Variants in PDE10A observed in about 807,000 individuals in gnomAD.
PDE10A encodes cAMP and cAMP-inhibited cGMP 3',5'-cyclic phosphodiesterase 10A.
PDE10A carries 39 observed loss-of-function variants against 97.7 expected under a neutral mutation model. The ratio of observed to expected loss-of-function variants is 0.40; its 90% CI spans 0.31 to 0.52. The LOEUF is 0.52. PDE10A is among the 20% of genes least tolerant of loss of function. The pLI is 0.56. For synonymous variants in PDE10A, 371 were observed against 376.8 expected, an observed-to-expected ratio of 0.98 and a Z score of 0.18; for missense variants, 731 against 1,047.8, an observed-to-expected ratio of 0.70 and a Z score of 4.17.
At chr6:165,815,748 A>G (rs547869125) in intron 1 of PDE10A, among the ~76,000 whole-genome samples, 6 of 152,110 alleles carry the variant, frequency 3.9e-5, no homozygotes, top group Non-Finnish European at 2.9e-5. Flanking sequence ...GCACTTGGTC[A>G]TGGACTATTG....
At chr6:165,581,584 C>T (rs1253623785) in intron 1 of PDE10A, among the ~76,000 whole-genome samples, 1 of 152,192 alleles carries the variant, frequency 6.6e-6, no homozygotes, top group African/African-American at 2.4e-5. Flanking sequence ...TAAAAGTCAC[C>T]CAGTCTGTGG....
intron 1 of PDE10A, among the ~76,000 whole-genome samples, chr6:165,638,310 G>T (rs533903804): frequency 6.6e-6 from 1 of 152,128 alleles, no homozygotes; most frequent in Non-Finnish European, 1.5e-5. Flanking sequence ...AGCACAGTAA[G>T]AGTCAAAACT....
chr6:165,640,011 A>T (rs1789056063), intron 1 of PDE10A, among the ~76,000 whole-genome samples: 2 of 151,302 alleles, frequency 1.3e-5, no homozygotes, highest in South Asian at 2.1e-4. Flanking sequence ...TTGAGGCTGC[A>T]GTGAGCTGTG....
chr6:165,929,858 C>T (rs553385399), intron 1 of PDE10A, among the ~76,000 whole-genome samples: 1 of 151,986 alleles, frequency 6.6e-6, no homozygotes, highest in African/African-American at 2.4e-5. Flanking sequence ...TCACTCCAGG[C>T]GTGAGGGCAG....
At chr6:165,673,760 G>C (rs1392508528) in intron 1 of PDE10A, among the ~76,000 whole-genome samples, 1 of 152,154 alleles carries the variant, frequency 6.6e-6, no homozygotes, top group East Asian at 1.9e-4. Context: ...TCCCTGAGTT[G>C]AGCTTTTGGG....
intron 2 of PDE10A, among the ~76,000 whole-genome samples, chr6:165,527,150 G>A (rs1298899588): frequency 1.3e-5 from 2 of 152,208 alleles, no homozygotes; most frequent in African/African-American, 2.4e-5. Flanking sequence ...CCTCTAAGGT[G>A]AAGAATAAGT....
chr6:165,792,080 T>C (rs1283825999), intron 1 of PDE10A, among the ~76,000 whole-genome samples: 2 of 152,154 alleles, frequency 1.3e-5, no homozygotes, highest in Non-Finnish European at 2.9e-5. Context: ...CCCGACGTTG[T>C]GGTTCTTCAG....
intron 1 of PDE10A, among the ~76,000 whole-genome samples, chr6:165,622,197 C>T (rs747500259): frequency 1.3e-5 from 2 of 152,168 alleles, no homozygotes; most frequent in Non-Finnish European, 2.9e-5. Flanking sequence ...GACTTGCTGG[C>T]CTCCTCAACC....
At chr6:165,962,826 G>C (rs1019333451) in intron 1 of PDE10A, among the ~76,000 whole-genome samples, 1 of 152,196 alleles carries the variant, frequency 6.6e-6, no homozygotes, top group Non-Finnish European at 1.5e-5. Context: ...GGGTGAATAA[G>C]GTCCATCTGC....
chr6:165,954,326 T>C (rs1206774745), intron 1 of PDE10A, among the ~76,000 whole-genome samples: 1 of 152,240 alleles, frequency 6.6e-6, no homozygotes, highest in African/African-American at 2.4e-5. Context: ...CTGATATTGC[T>C]AAGATTAAGT....
chr6:165,687,853 C>T (rs933991060), intron 1 of PDE10A, among the ~76,000 whole-genome samples: 1 of 152,212 alleles, frequency 6.6e-6, no homozygotes, highest in Non-Finnish European at 1.5e-5. Flanking sequence ...ATTTAATCTT[C>T]AAACAGCCTG....
intron 1 of PDE10A, among the ~76,000 whole-genome samples, chr6:165,589,633 G>C (rs1007643233): frequency 2.0e-5 from 3 of 152,062 alleles, no homozygotes; most frequent in African/African-American, 7.2e-5. Context: ...CTGGCATAGA[G>C]ATTATTTTTG....
intron 1 of PDE10A, among the ~76,000 whole-genome samples, chr6:165,651,152 A>G (rs1163654854): frequency 6.6e-6 from 1 of 152,216 alleles, no homozygotes; most frequent in African/African-American, 2.4e-5. Context: ...ACTTGCCAAC[A>G]GTGTGTTATG....
At chr6:165,484,767 C>A (rs1186461715) in intron 2 of PDE10A, among the ~76,000 whole-genome samples, 1 of 152,198 alleles carries the variant, frequency 6.6e-6, no homozygotes, top group African/African-American at 2.4e-5. Flanking sequence ...CATCTGGTGG[C>A]AGCTTTAACT....
intron 1 of PDE10A, among the ~76,000 whole-genome samples, chr6:165,672,079 T>C (rs112807408): frequency 6.6e-4 from 100 of 152,346 alleles, no homozygotes; most frequent in Non-Finnish European, 1.3e-3. Context: ...CAGATCAATA[T>C]AGATACTCCC....
intron 1 of PDE10A, among the ~76,000 whole-genome samples, chr6:165,912,802 G>T (rs558415790): frequency 1.3e-4 from 20 of 152,330 alleles, no homozygotes; most frequent in Admixed American, 7.2e-4. Flanking sequence ...GAGGGTCACA[G>T]GAAGCGAACC....
Position 165,545,402 on chromosome 6 carries a change from C to T in PDE10A, c.866-1834G>A, listed in dbSNP as rs192375361. The stretch of plus-strand genomic sequence containing the variant: ...ACTCTTGGTTTTCCTTTTTGTGTTA[C>T]TATTACTCTACATTTTCCCAGAAAC... On this transcript the variant is annotated intron_variant, in intron 1 of 21. Transcript: ENST00000539869. Among the ~76,000 whole-genome samples, 231 of 152,152 alleles carry T rather than the reference C, an allele frequency of 1.5e-3. 1 individual carries two copies. Among genetic ancestry groups the T allele is most frequent in the African/African-American group, 5.1e-3 (213 of 41,550 alleles).
At chr6:165,565,092 A>C (rs1271950965) in intron 1 of PDE10A, among the ~76,000 whole-genome samples, 1 of 152,238 alleles carries the variant, frequency 6.6e-6, no homozygotes, top group Non-Finnish European at 1.5e-5. Context: ...AGAGAGCTAC[A>C]AGTCTTAGCT....
intron 3 of PDE10A, among the ~76,000 whole-genome samples, chr6:165,453,839 G>C (rs1292148051): frequency 5.3e-5 from 8 of 152,178 alleles, no homozygotes; most frequent in African/African-American, 1.9e-4. Context: ...GAGAAGCCCT[G>C]GGAGCAAGGC....
Sources: gnomAD v4.1 joint callset for allele counts (sites outside exome capture counted in the v4.1 genomes callset) on GRCh38, gnomAD v4.1.1 for gene constraint, MANE v1.5 for transcripts, NCBI Gene and HGNC (gene_info 2026-07-23, HGNC 2026-07-21) for gene names.